The following TEX11 variants were observed in gnomAD, a reference collection of about 807,000 sequenced individuals.
TEX11 encodes the protein testis-expressed protein 11.
A neutral mutation model predicts 84.4 loss-of-function variants in TEX11; 7 were observed. The observed-to-expected ratio is 0.08, with a 90% confidence interval of 0.05 to 0.16. TEX11 has a LOEUF of 0.16. TEX11 is among the 10% of genes least tolerant of loss of function. The pLI is 1.00. For synonymous variants in TEX11, 264 were observed against 222.8 expected (o/e 1.18, Z -1.64); for missense variants, 551 against 660.5 (o/e 0.83, Z 1.82).
At chrX:70,764,166 A>C (rs1178792237) in intron 9 of TEX11, among the ~76,000 whole-genome samples, 2 of 112,154 alleles carry the variant, frequency 1.8e-5, no homozygotes, top group African/African-American at 6.5e-5. Context: ...TTAGAAACCA[A>C]CAACAACAAG....
At chrX:70,694,057 T>A (rs2090259309) in intron 13 of TEX11, among the ~76,000 whole-genome samples, 1 of 111,318 alleles carries the variant, frequency 9.0e-6, no homozygotes, top group South Asian at 3.8e-4. Flanking sequence ...TTTCTTTTCT[T>A]TTTTGTGAGA....
At chrX:70,595,669 T>C (rs959525912) in intron 24 of TEX11, among the ~76,000 whole-genome samples, 1 of 111,272 alleles carries the variant, frequency 9.0e-6, no homozygotes, top group African/African-American at 3.3e-5. Context: ...AAAAATGTTA[T>C]ATTAGAAAAC....
At chrX:70,819,004 T>C (rs1569449076) in intron 8 of TEX11, among the ~76,000 whole-genome samples, 1 of 112,044 alleles carries the variant, frequency 8.9e-6, no homozygotes, top group Non-Finnish European at 1.9e-5. Flanking sequence ...TGGTGTATTC[T>C]ACCAAACATT....
intron 17 of TEX11, among the ~76,000 whole-genome samples, chrX:70,641,464 C>T (rs1034696875): frequency 2.7e-5 from 3 of 111,202 alleles, no homozygotes; most frequent in African/African-American, 6.5e-5. Context: ...ACAGAATATA[C>T]GTTTTTTTCA....
intron 9 of TEX11, among the ~76,000 whole-genome samples, chrX:70,770,066 T>C (rs1216338524): frequency 9.0e-6 from 1 of 111,495 alleles, no homozygotes; most frequent in Admixed American, 9.6e-5. Flanking sequence ...GGTCACAGTT[T>C]ATCATTAACA....
intron 13 of TEX11, among the ~76,000 whole-genome samples, chrX:70,698,868 G>C (rs1189251489): frequency 9.0e-6 from 1 of 111,478 alleles, no homozygotes; most frequent in Non-Finnish European, 1.9e-5. Context: ...ATGGAGGTGG[G>C]GGCTAGTGTC....
At chrX:70,552,355 T>G in intron 27 of TEX11, 109 bp from the exon 28 acceptor site, 1 of 955,321 alleles carries the variant, frequency 1.0e-6, no homozygotes, top group Non-Finnish European at 1.4e-6. Flanking sequence ...TTCAAAACAC[T>G]TCTGTTCTTC....
intron 2 of TEX11, among the ~76,000 whole-genome samples, chrX:70,895,071 T>C (rs917781056): frequency 6.3e-5 from 7 of 111,429 alleles, no homozygotes; most frequent in African/African-American, 2.3e-4. Flanking sequence ...GGTATTCAAA[T>C]AGGAAGAGAG....
chrX:70,599,609 C>T (rs112202157), intron 24 of TEX11, among the ~76,000 whole-genome samples: 12 of 108,064 alleles, frequency 1.1e-4, no homozygotes, highest in African/African-American at 3.0e-4. Flanking sequence ...CATGCTGGTG[C>T]GCTGCACCCA....
intron 24 of TEX11, among the ~76,000 whole-genome samples, chrX:70,595,949 T>C (rs1398751469): frequency 9.0e-6 from 1 of 110,574 alleles, no homozygotes; most frequent in African/African-American, 3.3e-5. Flanking sequence ...AAAGTTATGT[T>C]ATGGAAACAT....
chrX:70,598,751 T>C (rs1212727036), intron 24 of TEX11, among the ~76,000 whole-genome samples: 1 of 112,183 alleles, frequency 8.9e-6, no homozygotes, highest in Non-Finnish European at 1.9e-5. Context: ...TTCAGGCATT[T>C]ATACAAGGAG....
At chrX:70,775,547 GAAGACATAC>G (rs1247990373) in intron 9 of TEX11, among the ~76,000 whole-genome samples, 1 of 109,967 alleles carries the variant, frequency 9.1e-6, no homozygotes, top group African/African-American at 3.3e-5. Context: ...TTATTCAAAA[GAAGACATAC>G]AAGGCTGGGT....
intron 2 of TEX11, among the ~76,000 whole-genome samples, chrX:70,882,121 A>G (rs2091686814): frequency 9.1e-6 from 1 of 110,459 alleles, no homozygotes; most frequent in Admixed American, 9.8e-5. Flanking sequence ...CTGATGTTAA[A>G]TATCTTGACT....
intron 7 of TEX11, among the ~76,000 whole-genome samples, chrX:70,835,066 C>T (rs1276057543): frequency 1.8e-5 from 2 of 110,699 alleles, no homozygotes; most frequent in Non-Finnish European, 1.9e-5. Context: ...AAATTGCTAA[C>T]ACAAGTGCCT....
At chrX:70,897,607 AAAAGGAAG>A (rs2091776069) in intron 2 of TEX11, 1 of 44,122 alleles carries the variant, frequency 2.3e-5, no homozygotes, top group African/African-American at 7.9e-5. Flanking sequence ...AAAGAAAGAA[AAAAGGAAG>A]GAAGGAAGGA....
At chrX:70,677,981 T>G (rs776025643) in intron 15 of TEX11, among the ~76,000 whole-genome samples, 1 of 108,945 alleles carries the variant, frequency 9.2e-6, no homozygotes, top group East Asian at 2.9e-4. Flanking sequence ...GCCCAGCTAA[T>G]TTTTTGTATT....
At chrX:70,899,453 C>T (rs1041866200) in intron 2 of TEX11, among the ~76,000 whole-genome samples, 4 of 110,648 alleles carry the variant, frequency 3.6e-5, no homozygotes, top group African/African-American at 6.6e-5. Context: ...ACTTTTTAAA[C>T]GTGATTACTA....
At chrX:70,663,461 C>T (rs191138449) in intron 16 of TEX11, among the ~76,000 whole-genome samples, 15 of 111,624 alleles carry the variant, frequency 1.3e-4, no homozygotes, top group Non-Finnish European at 2.6e-4. Flanking sequence ...TCGTGTTTCT[C>T]GTAAATCTTC....
At chrX:70,746,089 A>G (rs1192643477) in intron 9 of TEX11, among the ~76,000 whole-genome samples, 1 of 111,963 alleles carries the variant, frequency 8.9e-6, no homozygotes, top group African/African-American at 3.2e-5. Context: ...ATCTCAGTAT[A>G]ACCAGTGAGA....
Sources: allele counts gnomAD v4.1 joint callset (sites outside exome capture counted in the v4.1 genomes callset), GRCh38; gene constraint gnomAD v4.1.1; transcripts MANE v1.5; gene names NCBI Gene and HGNC (gene_info 2026-07-23, HGNC 2026-07-21).